VPS4B: variants seen among roughly 807,000 people sequenced by gnomAD.
VPS4B encodes the protein vacuolar protein sorting 4 homolog B, also known as vacuolar protein sorting-associated protein 4B.
Under a neutral mutation model 56.1 loss-of-function variants are expected in VPS4B, and 23 were observed. The ratio of observed to expected loss-of-function variants is 0.41; its 90% confidence interval spans 0.30 to 0.58. The LOEUF (loss-of-function observed/expected upper bound fraction) is 0.58. Among genes scored for constraint, VPS4B ranks in the 20% least tolerant of loss-of-function variants. VPS4B has a pLI of 0.29. For missense variants in VPS4B, 372 were observed against 531.9 expected, an observed-to-expected ratio of 0.70 and a Z score of 2.96; for synonymous variants, 177 against 186.0, an observed-to-expected ratio of 0.95 and a Z score of 0.39.
At chr18:63,419,470 T>C (rs1187476116) in intron 1 of VPS4B, among the ~76,000 whole-genome samples, 1 of 152,164 alleles carries the variant, frequency 6.6e-6, no homozygotes, top group African/African-American at 2.4e-5. Flanking sequence ...ATCTTCAATT[T>C]TTCTCCTTTG....
intron 9 of VPS4B, 47 bp from the exon 10 acceptor site, chr18:63,393,596 C>G: frequency 6.8e-7 from 1 of 1,466,992 alleles, no homozygotes. Context: ...CAAAATTGAA[C>G]ATTAAGACTT....
Position 63,405,058 on chromosome 18 carries a change from G to A in VPS4B, c.365-1232C>T, listed in dbSNP as rs192346224. Among the ~76,000 whole-genome samples, 140 of 152,056 alleles carry A rather than the reference G, an allele frequency of 9.2e-4. 2 individuals are homozygous for A. In the East Asian group the frequency reaches 0.018, roughly 19 times the overall value. ...GTATACCGTCTGACTCAAGATTTCT[G>A]CTATAAATTTTAAAAATGTGTCATG... On this transcript the variant is annotated intron_variant, in intron 4 of 10. Transcript: ENST00000238497.
At chr18:63,397,356 A>C (rs1915694617) in intron 8 of VPS4B, 103 bp from the exon 9 acceptor site, 1 of 1,037,170 alleles carries the variant, frequency 9.6e-7, no homozygotes, top group Admixed American at 2.8e-5. Flanking sequence ...GCCAAGGTTA[A>C]ACATATATAT....
At chr18:63,398,719 C>T (rs2144415990) in intron 8 of VPS4B, among the ~76,000 whole-genome samples, 1 of 151,486 alleles carries the variant, frequency 6.6e-6, no homozygotes, top group Admixed American at 6.6e-5. Flanking sequence ...CCTGTAGTCC[C>T]AGCTACTTGG....
intron 5 of VPS4B, among the ~76,000 whole-genome samples, chr18:63,402,192 T>C (rs567241584): frequency 9.8e-4 from 149 of 152,366 alleles, no homozygotes; most frequent in African/African-American, 3.3e-3. Flanking sequence ...GTATGGTACA[T>C]ATACCACTGG....
intron 1 of VPS4B, chr18:63,416,454 G>A (rs1916165350): frequency 6.5e-6 from 1 of 152,884 alleles, no homozygotes; most frequent in African/African-American, 2.4e-5. Flanking sequence ...ATCTGCTCTG[G>A]TCCATCAAAC....
intron 6 of VPS4B, 50 bp from the exon 7 acceptor site, chr18:63,400,246 A>G (rs1357599547): frequency 3.9e-6 from 6 of 1,521,488 alleles, no homozygotes; most frequent in Non-Finnish European, 5.3e-6. Context: ...TAAAAGATTA[A>G]AACAAAGTAA....
chr18:63,395,017 T>C (rs375335838), intron 9 of VPS4B, among the ~76,000 whole-genome samples: 4 of 152,294 alleles, frequency 2.6e-5, no homozygotes, highest in South Asian at 2.1e-4. Context: ...AAACAGGGAA[T>C]CTTCTTCTTG....
At chr18:63,405,391 A>T (rs1915894131) in intron 4 of VPS4B, among the ~76,000 whole-genome samples, 1 of 152,202 alleles carries the variant, frequency 6.6e-6, no homozygotes, top group Non-Finnish European at 1.5e-5. Context: ...CAGAAGTAAA[A>T]GATTTAAAAT....
At chr18:63,394,959 G>A (rs938769380) in intron 9 of VPS4B, among the ~76,000 whole-genome samples, 1 of 152,190 alleles carries the variant, frequency 6.6e-6, no homozygotes, top group East Asian at 1.9e-4. Context: ...TCTACCACCG[G>A]TCCCAGATTA....
chr18:63,397,231 G>GAATAT lies in VPS4B; in HGVS notation c.890_894dup (p.Pro299IlefsTer18). ...GCTCGGGCATGGGGTTCCGGCAAGG[G>GAATAT]AATATAAATTCGTTTCTCAAATCTT... On this transcript the variant is annotated frameshift_variant, in exon 9 of 11. Transcript: ENST00000238497. LOFTEE classifies it high-confidence loss of function. 6.2e-7 allele frequency: 1 copy of GAATAT among 1,602,708 alleles called. No homozygotes were observed.
In VPS4B at chr18:63,407,987, CA is replaced by C. The variant is rs1161912826; in HGVS notation, c.297-489del. On this transcript the variant is annotated intron_variant, in intron 3 of 10. Transcript: ENST00000238497. ...AAGGACAGAGGAAGCTTCCTGATGA[CA>C]ATGAACTACACCCAAAGAACAAGTA... is the stretch of plus-strand genomic sequence containing the variant. Among the ~76,000 whole-genome samples, 6 of 152,272 alleles carry C rather than the reference CA, an allele frequency of 3.9e-5. No homozygotes were observed. In the East Asian group the frequency reaches 1.2e-3, roughly 29 times the overall value.
At position 63,421,020 on chromosome 18, in the gene VPS4B, C is replaced by T. The variant is rs1475420176; in HGVS notation, c.27+1213G>A. The stretch of plus-strand genomic sequence containing the variant: ...GCCACTGCACTCAAGCCTGGGCGAC[C>T]GTGCAAGACTCCGTCTCAAAAAAAA... On this transcript the variant is annotated intron_variant, in intron 1 of 10. Coordinates refer to ENST00000238497, the MANE Select transcript of VPS4B (RefSeq NM_004869.4). Among the ~76,000 whole-genome samples the T allele has an allele frequency of 7.1e-5, 10 of 140,304 alleles. No individual in the cohort carries two copies. In the South Asian group the frequency reaches 8.8e-4, roughly 12 times the overall value. The allele number at this position is 140,304 out of a possible 152,430, so 92.0% of individuals were successfully genotyped here. A position where few individuals can be genotyped will look rare whatever the true frequency, so the allele number is the denominator to read the frequency against.
intron 5 of VPS4B, 74 bp from the exon 6 acceptor site, chr18:63,400,777 T>A: frequency 7.1e-7 from 1 of 1,413,760 alleles, no homozygotes; most frequent in Non-Finnish European, 9.6e-7. Context: ...AGGAATACTC[T>A]GGAAAGATTT....
chr18:63,412,279 C>T (rs1916060663), intron 1 of VPS4B, among the ~76,000 whole-genome samples: 1 of 152,058 alleles, frequency 6.6e-6, no homozygotes, highest in Non-Finnish European at 1.5e-5. Flanking sequence ...CAGGACACAA[C>T]TTTTTATATG....
Position 63,422,334 on chromosome 18 carries a change from G to A in VPS4B, c.-75C>T. The stretch of plus-strand genomic sequence containing the variant: ...ACAGCAGCAACGTCGAAGCGCGCAC[G>A]GGGTAACAGCCCTCAAACTGGGGAG... On this transcript the variant is annotated 5_prime_UTR_variant, in exon 1 of 11. Transcript: ENST00000238497. 2.9e-6 allele frequency: 4 copies of A among 1,375,628 alleles called. No homozygotes were observed. Among genetic ancestry groups the A allele is most frequent in the South Asian group, 1.6e-5 (1 of 61,054 alleles). The allele number at this position is 1,375,628 out of a possible 1,614,324, so 85.2% of individuals were successfully genotyped here. A position where few individuals can be genotyped will look rare whatever the true frequency, so the allele number is the denominator to read the frequency against.
At chr18:63,396,991 A>C in intron 9 of VPS4B, 43 bp downstream of exon 9, 2 of 1,531,166 alleles carry the variant, frequency 1.3e-6, no homozygotes, top group South Asian at 2.4e-5. Context: ...CTGTCTCAAA[A>C]AAAAAAAAAA....
chr18:63,422,220 T>G lies in VPS4B; in HGVS notation c.27+13A>C, dbSNP rs754346595. On this transcript the variant is annotated intron_variant, in intron 1 of 10. Transcript: ENST00000238497. ...CCCAGCTCCCTAGGGGGACGGGAGA[T>G]GAGCAATGATACCTGGAGGTTGGGC... The G allele has an allele frequency of 6.6e-7, 1 of 1,505,900 alleles. No homozygotes were observed. The highest frequency in any genetic ancestry group is 8.9e-7 in the Non-Finnish European group (1 of 1,125,492). The allele number at this position is 1,505,900 out of a possible 1,614,324, so 93.3% of individuals were successfully genotyped here.
intron 1 of VPS4B, among the ~76,000 whole-genome samples, chr18:63,414,955 A>C (rs896097811): frequency 1.3e-5 from 2 of 152,224 alleles, no homozygotes; most frequent in African/African-American, 2.4e-5. Context: ...TTCCCTGATG[A>C]TGAGAATGTC....
Sources: allele counts gnomAD v4.1 joint callset (sites outside exome capture counted in the v4.1 genomes callset), GRCh38; gene constraint gnomAD v4.1.1; transcripts MANE v1.5; gene names NCBI Gene and HGNC (gene_info 2026-07-23, HGNC 2026-07-21).